The following FZR1 variants were observed in gnomAD, a reference collection of about 807,000 sequenced individuals.
FZR1 encodes fizzy and cell division cycle 20 related 1, also known as fizzy-related protein homolog.
A neutral mutation model predicts 63.6 loss-of-function variants in FZR1; 11 were observed. The ratio of observed to expected loss-of-function variants is 0.17; its 90% CI spans 0.11 to 0.29. The LOEUF is 0.29. Among genes scored for constraint, FZR1 ranks in the 10% least tolerant of loss-of-function variants. The pLI is 1.00. For missense variants in FZR1, 440 were observed against 687.5 expected, an observed-to-expected ratio of 0.64 and a Z score of 4.03; for synonymous variants, 328 against 297.9, an observed-to-expected ratio of 1.10 and a Z score of -1.04.
At position 3,529,456 on chromosome 19, in the gene FZR1, GGATGGGAGAGCA is replaced by G. The variant is rs1214288081; in HGVS notation, c.655-1305_655-1294del. On this transcript the variant is annotated intron_variant, in intron 7 of 13. Transcript: ENST00000441788. Reference sequence around the variant, plus strand: ...TGGTTGAGGGAGTGGCTGGTTGAGTGGATGGGAGAGCAGATGGGAGAGCAGATGGGAGAGCAG... The same window carrying G: ...TGGTTGAGGGAGTGGCTGGTTGAGTGGATGGGAGAGCAGATGGGAGAGCAG... Among the ~76,000 whole-genome samples, 712 of 136,510 alleles carry G rather than the reference GGATGGGAGAGCA, an allele frequency of 5.2e-3. 33 individuals carry two copies. Among genetic ancestry groups the G allele is most frequent in the African/African-American group, 0.019 (569 of 30,232 alleles). 89.6% of individuals were successfully genotyped at this position (136,510 alleles called of 152,430 possible).
At chr19:3,529,497 GGT>G (rs2083208321) in intron 7 of FZR1, among the ~76,000 whole-genome samples, 1 of 143,486 alleles carries the variant, frequency 7.0e-6, no homozygotes, top group African/African-American at 2.7e-5. Context: ...AGAGCAGATG[GGT>G]GAGCGGATGG....
intron 2 of FZR1, among the ~76,000 whole-genome samples, chr19:3,524,922 C>T (rs1311181816): frequency 6.6e-6 from 1 of 152,164 alleles, no homozygotes; most frequent in African/African-American, 2.4e-5. Flanking sequence ...GCAAGAAACT[C>T]GTGTCCAATC....
In FZR1 at chr19:3,530,803, C is replaced by T. The variant is rs1280528538; in HGVS notation, c.666C>T (p.Leu222=). 1.9e-6 allele frequency: 3 copies of T among 1,613,040 alleles called. No homozygotes were observed. The highest frequency in any genetic ancestry group is 2.5e-6 in the Non-Finnish European group (3 of 1,179,642). Reference sequence around the variant, plus strand: ...ACCTCTGCCTCCAGGTGACGCGGCTCTGTGACCTCTCAGTGGAAGGGGACT... The same window carrying T: ...ACCTCTGCCTCCAGGTGACGCGGCTTTGTGACCTCTCAGTGGAAGGGGACT... The part of the protein sequence containing the change: ...WSACTSQVTR[L]CDLSVEGDSV... Residue 222 remains leucine (L), a synonymous_variant, in exon 8 of 14, where the codon CTC becomes CTT. Transcript: ENST00000441788.
intron 6 of FZR1, 120 bp downstream of exon 6, chr19:3,527,182 G>C: frequency 1.3e-6 from 1 of 782,308 alleles, no homozygotes; most frequent in Non-Finnish European, 2.2e-6. Context: ...AGGCTGAAGG[G>C]GGCTTCCCAG....
intron 12 of FZR1, 86 bp from the exon 13 acceptor site, chr19:3,534,335 C>T: frequency 4.1e-6 from 3 of 725,046 alleles, no homozygotes; most frequent in Non-Finnish European, 7.0e-6. Context: ...CACCCGACAC[C>T]TTGCTCCCCT....
At chr19:3,512,157 A>G (rs1004981302) in intron 1 of FZR1, among the ~76,000 whole-genome samples, 1 of 152,214 alleles carries the variant, frequency 6.6e-6, no homozygotes, top group Admixed American at 6.5e-5. Context: ...CCTGGCTGCC[A>G]AGGCACCGCC....
At chr19:3,528,684 T>A (rs988385014) in intron 7 of FZR1, among the ~76,000 whole-genome samples, 3 of 126,722 alleles carry the variant, frequency 2.4e-5, no homozygotes, top group Admixed American at 7.5e-5. Flanking sequence ...AGTGGATGGG[T>A]GAGCGGATGA....
intron 2 of FZR1, among the ~76,000 whole-genome samples, chr19:3,524,189 G>A (rs924468970): frequency 2.0e-5 from 3 of 152,114 alleles, no homozygotes; most frequent in South Asian, 2.1e-4. Flanking sequence ...GCCGACCCTC[G>A]GTCTCCAGAG....
Position 3,529,697 on chromosome 19 carries a change from T to TGGGA in FZR1, c.655-1094_655-1093insGGAG, listed in dbSNP as rs1568237979. ...GAGAGTGGTTGAGGGAGTGGATGGT[T>TGGGA]GAGCGGATGGGAGAGCGGATGGGAG... On this transcript the variant is annotated intron_variant, in intron 7 of 13. Transcript: ENST00000441788. Among the ~76,000 whole-genome samples the TGGGA allele has an allele frequency of 1.0e-3, 96 of 92,980 alleles. 4 individuals carry two copies. Among genetic ancestry groups the TGGGA allele is most frequent in the Admixed American group, 1.1e-3 (11 of 10,238 alleles). 61.0% of individuals were successfully genotyped at this position (92,980 alleles called of 152,430 possible). A position where few individuals can be genotyped will look rare whatever the true frequency, so the allele number is the denominator to read the frequency against.
At chr19:3,530,432 G>T (rs1306928082) in intron 7 of FZR1, among the ~76,000 whole-genome samples, 1 of 75,534 alleles carries the variant, frequency 1.3e-5, no homozygotes, top group African/African-American at 3.7e-5. Context: ...GCATGGGAGA[G>T]CGGATGGGAG....
chr19:3,534,212 ACCC>A (rs1156543571), intron 12 of FZR1: 2 of 480,690 alleles, frequency 4.2e-6, no homozygotes, highest in Admixed American at 4.1e-5. Flanking sequence ...ACAGAGCCAG[ACCC>A]CGTCTTAAAA....
Position 3,527,801 on chromosome 19 carries a change from C to A in FZR1, c.641C>A (p.Ala214Asp). 1 of 1,610,154 alleles carries A rather than the reference C, an allele frequency of 6.2e-7. No homozygotes were observed. Among genetic ancestry groups the A allele is most frequent in the Non-Finnish European group, 8.5e-7 (1 of 1,177,730 alleles). Residue 214 changes from alanine to aspartate, a missense_variant, in exon 7 of 14, where the codon GCC (alanine) becomes GAC (aspartate). Ala to Asp is a moderately radical substitution (Grantham distance 126). This residue lies in a region of FZR1 where 208 missense variants were observed against 363.6 expected (regional missense o/e 0.57). Coordinates refer to ENST00000441788, the MANE Select transcript of FZR1 (RefSeq NM_016263.4). ...GGCACCTGCGTGTACCTGTGGAGTG[C>A]CTGTACCAGCCAGGTGGGTGCTGCG... ...GLGTCVYLWS[A>D]CTSQVTRLCD...
At chr19:3,520,930 GGTCTCC>G (rs1229436775) in intron 1 of FZR1, among the ~76,000 whole-genome samples, 3 of 152,198 alleles carry the variant, frequency 2.0e-5, no homozygotes, top group Non-Finnish European at 2.9e-5. Flanking sequence ...CGGCCCTTCT[GGTCTCC>G]GTGAGTCAGC....
In FZR1 at chr19:3,533,386, C is replaced by T. The variant is rs757983340; in HGVS notation, c.1335C>T (p.Arg445=). Residue 445 remains arginine (R), a synonymous_variant, in exon 12 of 14, where the codon CGC becomes CGT. Coordinates refer to ENST00000441788, the MANE Select transcript of FZR1 (RefSeq NM_016263.4). The surrounding 1 kb of genome is among the most constrained non-coding windows in gnomAD (Gnocchi z 4.9). ...CCAAGCTGACCGGGCACTCCTACCGCGTGCTGTACCTGGTGAGTTCACGCC... is the reference window on the plus strand; with the variant it reads ...CCAAGCTGACCGGGCACTCCTACCGTGTGCTGTACCTGGTGAGTTCACGCC... ...QVAKLTGHSY[R]VLYLAMSPDG... The T allele has an allele frequency of 3.5e-5, 56 of 1,605,722 alleles. No individual in the cohort carries two copies. Among genetic ancestry groups the T allele is most frequent in the Middle Eastern group, 1.6e-4 (1 of 6,066 alleles).
chr19:3,531,857 C>T (rs1325719195), intron 9 of FZR1, 41 bp downstream of exon 9: 3 of 1,551,846 alleles, frequency 1.9e-6, no homozygotes, highest in South Asian at 1.2e-5. Flanking sequence ...CTCCCTGAGG[C>T]CCCAGCTCCG....
chr19:3,524,161 A>G (rs2083129863), intron 2 of FZR1, among the ~76,000 whole-genome samples: 1 of 152,214 alleles, frequency 6.6e-6, no homozygotes, highest in Non-Finnish European at 1.5e-5. Flanking sequence ...GGCGCCCAGC[A>G]GCAGGAGCAG....
intron 10 of FZR1, 149 bp downstream of exon 10, chr19:3,532,244 A>G (rs2083255550): frequency 1.1e-6 from 1 of 928,630 alleles, no homozygotes; most frequent in Non-Finnish European, 1.6e-6. Flanking sequence ...CTTCCTGCTC[A>G]GCCAGTCCTG....
Position 3,514,622 on chromosome 19 carries a change from C to G in FZR1, c.-35+8148C>G, listed in dbSNP as rs151275495. 0.037 allele frequency among the ~76,000 whole-genome samples: 5,569 copies of G among 152,230 alleles called. 321 individuals are homozygous for G. The highest frequency in any genetic ancestry group is 0.12 in the South Asian group (577 of 4,818). ...ATGATCCTCTGCCCTGCTGAGGTCCCAGGAGGCTGCACACATTGAAATCCA... is the reference window on the plus strand; with the variant it reads ...ATGATCCTCTGCCCTGCTGAGGTCCGAGGAGGCTGCACACATTGAAATCCA... On this transcript the variant is annotated intron_variant, in intron 1 of 13. Coordinates refer to ENST00000441788, the MANE Select transcript of FZR1 (RefSeq NM_016263.4). This position sits in a 1 kb window ranked among gnomAD's most constrained non-coding sequence, Gnocchi z 4.2.
Position 3,533,433 on chromosome 19 carries a change from G to A in FZR1, c.1347+35G>A. 1 of 1,347,646 alleles carries A rather than the reference G, an allele frequency of 7.4e-7. No individual in the cohort carries two copies. The highest frequency in any genetic ancestry group is 1.4e-5 in the African/African-American group (1 of 69,796). The allele number at this position is 1,347,646 out of a possible 1,614,324, so 83.5% of individuals were successfully genotyped here. On this transcript the variant is annotated intron_variant, in intron 12 of 13. Coordinates refer to ENST00000441788, the MANE Select transcript of FZR1 (RefSeq NM_016263.4). This position sits in a 1 kb window ranked among gnomAD's most constrained non-coding sequence, Gnocchi z 4.9. The stretch of plus-strand genomic sequence containing the variant: ...CGCCAGGCACTTCAAGGTGCCCCGG[G>A]ATTCTGGACAAACTGCCATGGCCAC...
Sources: gnomAD v4.1 joint callset for allele counts (sites outside exome capture counted in the v4.1 genomes callset) on GRCh38, gnomAD v4.1.1 for gene constraint, gnomAD v4.1.1 regional missense constraint, Gnocchi (gnomAD v3.1) non-coding constraint, MANE v1.5 for transcripts, NCBI Gene and HGNC (gene_info 2026-07-23, HGNC 2026-07-21) for gene names.